The following RELCH variants were observed in gnomAD, a reference collection of about 807,000 sequenced individuals.
The protein encoded by RELCH is RAB11 binding and LisH domain, coiled-coil and HEAT repeat containing.
In RELCH, 41 loss-of-function variants were observed where a neutral mutation model predicts 150.3. That is an observed-to-expected ratio of 0.27 (90% CI 0.21 to 0.35). RELCH has a LOEUF of 0.35. Ranked by LOEUF, RELCH falls within the 10% of genes least tolerant of loss-of-function variation. The probability of loss-of-function intolerance (pLI) is 1.00; values close to 1 mark genes in which losing one functional copy is unlikely to be tolerated. For missense variants in RELCH, 1,092 were observed against 1,467.8 expected (o/e 0.74, Z 4.18); for synonymous variants, 478 against 531.8 (o/e 0.90, Z 1.39).
At chr18:62,219,891 C>A (rs2040740567) in intron 2 of RELCH, among the ~76,000 whole-genome samples, 1 of 151,912 alleles carries the variant, frequency 6.6e-6, no homozygotes, top group Non-Finnish European at 1.5e-5. Context: ...CATTTGGCAT[C>A]TTTTTTATGT....
At position 62,280,155 on chromosome 18, in the gene RELCH, G is replaced by A. The variant is rs565280974; in HGVS notation, c.3050+299G>A. Among the ~76,000 whole-genome samples the A allele has an allele frequency of 1.3e-3, 202 of 152,234 alleles. 5 individuals are homozygous for A. The South Asian group carries it at 0.04, about 30-fold the overall frequency. Reference sequence around the variant, plus strand: ...TGATGGACTGTTTCTTTCAAGCCAAGAAGGGATGCTCTCCTAATCTCACTA... The same window carrying A: ...TGATGGACTGTTTCTTTCAAGCCAAAAAGGGATGCTCTCCTAATCTCACTA... On this transcript the variant is annotated intron_variant, in intron 23 of 28. Transcript: ENST00000644646.
intron 1 of RELCH, among the ~76,000 whole-genome samples, chr18:62,188,613 A>T (rs186856782): frequency 2.0e-5 from 3 of 152,370 alleles, no homozygotes; most frequent in Admixed American, 2.0e-4. Context: ...GCCTTAATTT[A>T]AGTAATGTCC....
At chr18:62,296,887 C>G (rs957429919) in intron 27 of RELCH, among the ~76,000 whole-genome samples, 2 of 152,180 alleles carry the variant, frequency 1.3e-5, no homozygotes, top group East Asian at 3.8e-4. Flanking sequence ...ATGTTGAATA[C>G]TTCCTTTTAT....
intron 27 of RELCH, among the ~76,000 whole-genome samples, chr18:62,298,319 C>T (rs2045514189): frequency 6.6e-6 from 1 of 152,140 alleles, no homozygotes; most frequent in South Asian, 2.1e-4. Flanking sequence ...GCATATCCCT[C>T]ATTATATTTT....
chr18:62,220,771 TTAAA>T, intron 2 of RELCH: 2 of 424,358 alleles, frequency 4.7e-6, no homozygotes, highest in Non-Finnish European at 8.4e-6. Flanking sequence ...GATTTTATTT[TTAAA>T]TAGAGCTATT....
At chr18:62,284,173 A>G (rs2044672039) in intron 25 of RELCH, 1 of 152,216 alleles carries the variant, frequency 6.6e-6, no homozygotes, top group Non-Finnish European at 1.5e-5. Flanking sequence ...TAGTGTCAAT[A>G]TCTTAATTTC....
intron 2 of RELCH, among the ~76,000 whole-genome samples, chr18:62,219,026 T>A (rs2148356488): frequency 6.6e-6 from 1 of 152,118 alleles, no homozygotes; most frequent in Middle Eastern, 3.4e-3. Context: ...AAATGTACTA[T>A]AGATTCAAAC....
intron 1 of RELCH, among the ~76,000 whole-genome samples, chr18:62,193,795 G>A (rs911296024): frequency 6.6e-6 from 1 of 152,148 alleles, no homozygotes; most frequent in African/African-American, 2.4e-5. Context: ...TTGCATTGAT[G>A]TTCATCAGGG....
intron 1 of RELCH, among the ~76,000 whole-genome samples, chr18:62,208,224 T>C (rs1428368698): frequency 1.3e-5 from 2 of 152,204 alleles, no homozygotes; most frequent in Admixed American, 6.5e-5. Context: ...TTTTTAATTG[T>C]GCTGTCTTTT....
chr18:62,187,815 G>C lies in RELCH; in HGVS notation c.310G>C (p.Asp104His). The C allele has an allele frequency of 6.3e-7, 1 of 1,595,266 alleles. No individual in the cohort carries two copies. Among genetic ancestry groups the C allele is most frequent in the Non-Finnish European group, 8.5e-7 (1 of 1,170,878 alleles). ...TGCGATCGCTGCTCAGCTGTTGCGC[G>C]ATCAATACTTGCTGACCGCCCTGGA... ...IDAIAAQLLR[D>H]QYLLTALELH... The change falls in exon 1 of 29, where the codon GAT (aspartate) becomes CAT (histidine). Residue 104 changes from aspartate (D) to histidine (H), a missense_variant. Physicochemically the swap from Asp to His is moderately conservative, Grantham distance 81. This residue lies in a region of RELCH where 190 missense variants were observed against 276.2 expected (regional missense o/e 0.69). Coordinates refer to ENST00000644646, the MANE Select transcript of RELCH (RefSeq NM_001346231.2).
At chr18:62,224,850 A>G (rs1056022701) in intron 5 of RELCH, among the ~76,000 whole-genome samples, 1 of 152,090 alleles carries the variant, frequency 6.6e-6, no homozygotes, top group African/African-American at 2.4e-5. Context: ...TCTTACTGGC[A>G]TTTTTGTGGA....
At position 62,303,040 on chromosome 18, in the gene RELCH, G is replaced by T. The variant is rs78219716; in HGVS notation, c.3531-2374G>T. On this transcript the variant is annotated intron_variant, in intron 28 of 28. Coordinates refer to ENST00000644646, the MANE Select transcript of RELCH (RefSeq NM_001346231.2). ...AAAATCTCCCTTTCCAAAATGCCTA[G>T]GCCCTCTAAAACAAGTCTTTATCAT... Among the ~76,000 whole-genome samples, 1,211 of 152,072 alleles carry T rather than the reference G, an allele frequency of 8.0e-3. 19 individuals are homozygous for T. Among genetic ancestry groups the T allele is most frequent in the African/African-American group, 0.028 (1,158 of 41,458 alleles).
At chr18:62,242,307 C>T (rs1280026785) in intron 10 of RELCH, among the ~76,000 whole-genome samples, 1 of 152,018 alleles carries the variant, frequency 6.6e-6, no homozygotes, top group Non-Finnish European at 1.5e-5. Context: ...TTTTCAAAGT[C>T]CTAAATTCAC....
intron 25 of RELCH, among the ~76,000 whole-genome samples, chr18:62,283,382 A>G (rs1568431504): frequency 6.6e-6 from 1 of 152,178 alleles, no homozygotes; most frequent in Non-Finnish European, 1.5e-5. Flanking sequence ...CCAAAAGCAT[A>G]TCAGTTATCA....
chr18:62,211,134 A>G lies in RELCH; in HGVS notation c.527-19A>G. ...TTAACAATTAAATTAAAAAACTTTT[A>G]TATTTCTCTTTATTATAGATCGAGC... On this transcript the variant is annotated intron_variant, in intron 1 of 28. Coordinates refer to ENST00000644646, the MANE Select transcript of RELCH (RefSeq NM_001346231.2). The G allele has an allele frequency of 2.2e-6, 3 of 1,388,560 alleles. No homozygotes were observed. The highest frequency in any genetic ancestry group is 3.0e-6 in the Non-Finnish European group (3 of 1,006,496). 86.0% of individuals were successfully genotyped at this position (1,388,560 alleles called of 1,614,324 possible). A position where few individuals can be genotyped will look rare whatever the true frequency, so the allele number is the denominator to read the frequency against.
chr18:62,227,195 TAAAAA>T, intron 5 of RELCH, 89 bp from the exon 6 acceptor site: 1 of 733,892 alleles, frequency 1.4e-6, no homozygotes, highest in South Asian at 2.0e-5. Flanking sequence ...AAACCGATCT[TAAAAA>T]AAAAAAAGAT....
In RELCH at chr18:62,306,445, A is replaced by T. The variant is rs1290026396; in HGVS notation, c.*911A>T. 2.6e-5 allele frequency: 4 copies of T among 152,238 alleles called. No homozygotes were observed. Among genetic ancestry groups the T allele is most frequent in the African/African-American group, 9.6e-5 (4 of 41,472 alleles). The allele number at this position is 152,238 out of a possible 1,614,324, so 9.4% of individuals were successfully genotyped here. On this transcript the variant is annotated 3_prime_UTR_variant, in exon 29 of 29. Transcript: ENST00000644646. ...AACACTTTATTTAAGATATTTTCTA[A>T]TGATTTTAATTTTAGAGAGTACCTT... is the stretch of plus-strand genomic sequence containing the variant.
chr18:62,293,023 T>C (rs1453294036), intron 27 of RELCH, among the ~76,000 whole-genome samples: 2 of 152,176 alleles, frequency 1.3e-5, no homozygotes, highest in East Asian at 3.8e-4. Context: ...TTCATCTTGA[T>C]AGTTTCATCC....
rs1274160470 is a variant in RELCH, at chr18:62,307,491, A to G, written c.*1957A>G. ...AAAGGCAATAGTAGGCAAGATTCAC[A>G]GTGTATTTCAAGTGAGAGTCTCTTT... On this transcript the variant is annotated 3_prime_UTR_variant, in exon 29 of 29. Coordinates refer to ENST00000644646, the MANE Select transcript of RELCH (RefSeq NM_001346231.2). 2 of 152,150 alleles carry G rather than the reference A, an allele frequency of 1.3e-5. No individual in the cohort carries two copies. The highest frequency in any genetic ancestry group is 1.9e-4 in the East Asian group (1 of 5,198). 9.4% of individuals were successfully genotyped at this position (152,150 alleles called of 1,614,324 possible).
Sources: gnomAD v4.1 joint callset for allele counts (sites outside exome capture counted in the v4.1 genomes callset) on GRCh38, gnomAD v4.1.1 for gene constraint, gnomAD v4.1.1 regional missense constraint, MANE v1.5 for transcripts, NCBI Gene and HGNC (gene_info 2026-07-23, HGNC 2026-07-21) for gene names.